Variants in DTNB observed in about 807,000 individuals in gnomAD.
DTNB encodes the protein DTN-B.
A neutral mutation model predicts 90.7 loss-of-function variants in DTNB; 63 were observed. The ratio of observed to expected loss-of-function variants is 0.69; its 90% CI spans 0.57 to 0.86. The LOEUF is 0.86. DTNB is among the 40% of genes least tolerant of loss of function. The pLI is 0.00. For missense variants in DTNB, 744 were observed against 807.1 expected, an observed-to-expected ratio of 0.92 and a Z score of 0.95; for synonymous variants, 277 against 286.7, an observed-to-expected ratio of 0.97 and a Z score of 0.34.
At chr2:25,479,199 T>C (rs1224192631) in intron 10 of DTNB, among the ~76,000 whole-genome samples, 1 of 152,220 alleles carries the variant, frequency 6.6e-6, no homozygotes, top group East Asian at 1.9e-4. Context: ...AAGCTTTAAG[T>C]ATCCATAAAC....
chr2:25,667,243 C>T (rs2084665029), intron 1 of DTNB, among the ~76,000 whole-genome samples: 2 of 152,052 alleles, frequency 1.3e-5, no homozygotes, highest in South Asian at 4.1e-4. Context: ...AATCCCAACA[C>T]TTTGGGAGGC....
At chr2:25,604,942 C>T (rs1176116625) in intron 5 of DTNB, among the ~76,000 whole-genome samples, 1 of 152,078 alleles carries the variant, frequency 6.6e-6, no homozygotes, top group Non-Finnish European at 1.5e-5. Flanking sequence ...TGGTCTCAAA[C>T]TCCTGGCCTC....
chr2:25,619,814 G>A (rs2071958601), intron 4 of DTNB, among the ~76,000 whole-genome samples: 2 of 152,070 alleles, frequency 1.3e-5, no homozygotes, highest in Non-Finnish European at 2.9e-5. Flanking sequence ...GGCCGAGGTG[G>A]GCAGATCAGG....
At chr2:25,584,185 C>T (rs949281710) in intron 6 of DTNB, among the ~76,000 whole-genome samples, 11 of 152,168 alleles carry the variant, frequency 7.2e-5, no homozygotes, top group African/African-American at 2.7e-4. Flanking sequence ...CATTATTGGT[C>T]TTTTTCAATC....
chr2:25,622,573 C>T (rs1211706742), intron 4 of DTNB, among the ~76,000 whole-genome samples: 1 of 152,176 alleles, frequency 6.6e-6, no homozygotes, highest in Non-Finnish European at 1.5e-5. Flanking sequence ...GCACCCCATA[C>T]TCCTACGTGG....
rs1209333899 is a variant in DTNB, at chr2:25,387,111, G to C, written c.1825+178C>G. 2 of 576,726 alleles carry C rather than the reference G, an allele frequency of 3.5e-6. No individual in the cohort carries two copies. The highest frequency in any genetic ancestry group is 6.2e-6 in the Non-Finnish European group (2 of 324,038). 35.7% of individuals were successfully genotyped at this position (576,726 alleles called of 1,614,324 possible). A position where few individuals can be genotyped will look rare whatever the true frequency, so the allele number is the denominator to read the frequency against. ...TGTGAAACCGCCCCTACGCGATCCT[G>C]TGTGACAGAGGCTCTCTGGGTGGAG... On this transcript the variant is annotated intron_variant, in intron 18 of 20. Coordinates refer to ENST00000406818, the MANE Select transcript of DTNB (RefSeq NM_021907.5). This position sits in a 1 kb window ranked among gnomAD's most constrained non-coding sequence, Gnocchi z 4.5.
Position 25,639,152 on chromosome 2 carries a change from A to G in DTNB, c.68-58T>C. ...ATTTACCATTTAGTTTCCAAACGCTAGGAAATGACTCCATTCTATTGTATT... is the reference window on the plus strand; with the variant it reads ...ATTTACCATTTAGTTTCCAAACGCTGGGAAATGACTCCATTCTATTGTATT... On this transcript the variant is annotated intron_variant, in intron 2 of 20. Coordinates refer to ENST00000406818, the MANE Select transcript of DTNB (RefSeq NM_021907.5). The G allele has an allele frequency of 2.0e-6, 3 of 1,474,964 alleles. No individual in the cohort carries two copies. In the South Asian group the frequency reaches 3.8e-5, roughly 19 times the overall value. The allele number at this position is 1,474,964 out of a possible 1,614,324, so 91.4% of individuals were successfully genotyped here.
rs759841293 is a variant in DTNB, at chr2:25,394,313, C to T, written c.1576-5952G>A. 8.4e-4 allele frequency among the ~76,000 whole-genome samples: 128 copies of T among 151,982 alleles called. 2 individuals are homozygous for T. Among genetic ancestry groups the T allele is most frequent in the Non-Finnish European group, 1.9e-4 (13 of 67,966 alleles). On this transcript the variant is annotated intron_variant, in intron 16 of 20. Coordinates refer to ENST00000406818, the MANE Select transcript of DTNB (RefSeq NM_021907.5). ...ATTCTAGAAGATAACATTGGAAAAACCCTTCTAGACATTGGCTTAGGCAAA... is the reference window on the plus strand; with the variant it reads ...ATTCTAGAAGATAACATTGGAAAAATCCTTCTAGACATTGGCTTAGGCAAA...
At position 25,388,306 on chromosome 2, in the gene DTNB, A is replaced by C; in HGVS notation, c.1631T>G (p.Met544Arg). The change falls in exon 17 of 21, where the codon ATG (methionine) becomes AGG (arginine). Residue 544 changes from methionine (M) to arginine (R), a missense_variant. By Grantham distance (91) the Met-to-Arg change is moderately conservative. Coordinates refer to ENST00000406818, the MANE Select transcript of DTNB (RefSeq NM_021907.5). ...TSPTHGGGRP[M>R]PMPVRSTSAG... Reference sequence around the variant, plus strand: ...AGACGTGGAGCGCACTGGCATGGGCATTGGCCGGCCGCCTCCATGGGTGGG... The same window carrying C: ...AGACGTGGAGCGCACTGGCATGGGCCTTGGCCGGCCGCCTCCATGGGTGGG... 6.2e-7 allele frequency: 1 copy of C among 1,613,282 alleles called. No individual in the cohort carries two copies. Among genetic ancestry groups the C allele is most frequent in the Non-Finnish European group, 8.5e-7 (1 of 1,179,490 alleles).
Position 25,388,228 on chromosome 2 carries a change from C to A in DTNB, c.1709G>T (p.Gly570Val). The stretch of plus-strand genomic sequence containing the variant: ...TTGTGCGAAGGCCTCCTGCACGTCT[C>A]CCCCGACTCCGCTCAGCGAGTCCTG... ...CPQDSLSGVG[G>V]DVQEAFAQGT... Residue 570 changes from glycine (G) to valine (V), a missense_variant, in exon 17 of 21, where the codon GGA (glycine) becomes GTA (valine). Gly to Val is a moderately radical substitution (Grantham distance 109, BLOSUM62 -3). Transcript: ENST00000406818. 1 of 1,589,692 alleles carries A rather than the reference C, an allele frequency of 6.3e-7. No individual in the cohort carries two copies. The highest frequency in any genetic ancestry group is 2.3e-5 in the East Asian group (1 of 43,852).
intron 2 of DTNB, among the ~76,000 whole-genome samples, chr2:25,642,480 T>A (rs2078548309): frequency 6.6e-6 from 1 of 151,490 alleles, no homozygotes; most frequent in Non-Finnish European, 1.5e-5. Flanking sequence ...AGTGGTGCAA[T>A]CTCGGTTCAC....
At chr2:25,588,838 C>T (rs958935405) in intron 6 of DTNB, among the ~76,000 whole-genome samples, 2 of 152,174 alleles carry the variant, frequency 1.3e-5, no homozygotes, top group Non-Finnish European at 2.9e-5. Context: ...TATATCTCAA[C>T]ATCAGAAATA....
At chr2:25,616,819 C>A (rs917695332) in intron 4 of DTNB, among the ~76,000 whole-genome samples, 5 of 150,298 alleles carry the variant, frequency 3.3e-5, no homozygotes, top group African/African-American at 1.2e-4. Context: ...GTAGTCCCAG[C>A]TACTCAGGAG....
chr2:25,587,347 A>G (rs974692075), intron 6 of DTNB, among the ~76,000 whole-genome samples: 6 of 152,246 alleles, frequency 3.9e-5, no homozygotes, highest in Non-Finnish European at 5.9e-5. Flanking sequence ...CCATTGAGCC[A>G]CTGAATAAAG....
In DTNB at chr2:25,628,155, G is replaced by T; in HGVS notation, c.362+16C>A. 6.2e-7 allele frequency: 1 copy of T among 1,609,698 alleles called. No homozygotes were observed. ...TCTTAAAATGAAGTAAGCGTGTAAG[G>T]TAAGGTACTACTAGCCTGTCATATG... is the stretch of plus-strand genomic sequence containing the variant. On this transcript the variant is annotated intron_variant, in intron 4 of 20. Transcript: ENST00000406818.
intron 9 of DTNB, among the ~76,000 whole-genome samples, chr2:25,524,036 GGA>G (rs2076647350): frequency 6.6e-6 from 1 of 151,782 alleles, no homozygotes; most frequent in African/African-American, 2.4e-5. Flanking sequence ...CGAGTAGCTG[GGA>G]TTACAGGCAT....
chr2:25,433,733 T>C (rs1283625581), intron 13 of DTNB, among the ~76,000 whole-genome samples, 177 bp downstream of exon 13: 1 of 152,110 alleles, frequency 6.6e-6, no homozygotes, highest in Non-Finnish European at 1.5e-5. Flanking sequence ...ATCAACAGCA[T>C]GCAGACAGAC....
At chr2:25,556,807 T>C (rs2057437337) in intron 8 of DTNB, among the ~76,000 whole-genome samples, 1 of 151,932 alleles carries the variant, frequency 6.6e-6, no homozygotes, top group African/African-American at 2.4e-5. Context: ...GAAGAGGAGA[T>C]AAAGGAAACT....
At chr2:25,519,343 TGACA>T (rs1266280346) in intron 9 of DTNB, among the ~76,000 whole-genome samples, 1 of 151,108 alleles carries the variant, frequency 6.6e-6, no homozygotes, top group African/African-American at 2.4e-5. Context: ...TTAGCCTCGG[TGACA>T]GATCAAGACC....
Sources: gnomAD v4.1 joint callset for allele counts (sites outside exome capture counted in the v4.1 genomes callset) on GRCh38, gnomAD v4.1.1 for gene constraint, Gnocchi (gnomAD v3.1) non-coding constraint, MANE v1.5 for transcripts, NCBI Gene and HGNC (gene_info 2026-07-23, HGNC 2026-07-21) for gene names.